ATP2B2: variants seen among roughly 807,000 people sequenced by gnomAD.
The protein encoded by ATP2B2 is ATPase plasma membrane Ca2+ transporting 2.
A neutral mutation model predicts 120.0 loss-of-function variants in ATP2B2; 15 were observed. The ratio of observed to expected loss-of-function variants is 0.12; its 90% CI spans 0.08 to 0.19. ATP2B2 has a LOEUF of 0.19. Ranked by LOEUF, ATP2B2 falls within the 10% of genes least tolerant of loss-of-function variation. The pLI, the probability that ATP2B2 is intolerant of heterozygous loss-of-function variation, is 1.00. For missense variants in ATP2B2, 1,045 were observed against 1,719.8 expected (o/e 0.61, Z 6.94); for synonymous variants, 694 against 700.3 (o/e 0.99, Z 0.14).
At chr3:10,607,604 C>A (rs1319821221) in intron 2 of ATP2B2, among the ~76,000 whole-genome samples, 1 of 152,202 alleles carries the variant, frequency 6.6e-6, no homozygotes, top group Non-Finnish European at 1.5e-5. Context: ...TGCTCAGTGG[C>A]ATTGCCATTC....
At chr3:10,429,887 T>C (rs2063262082) in intron 2 of ATP2B2, among the ~76,000 whole-genome samples, 1 of 152,172 alleles carries the variant, frequency 6.6e-6, no homozygotes, top group Non-Finnish European at 1.5e-5. Flanking sequence ...TGGAGAAAGT[T>C]TGAGTGGTTT....
Position 10,606,871 on chromosome 3 carries a change from C to T in ATP2B2, c.-415+13046G>A, listed in dbSNP as rs192310130. Among the ~76,000 whole-genome samples, 46 of 124,448 alleles carry T rather than the reference C, an allele frequency of 3.7e-4. 1 individual carries two copies. Among genetic ancestry groups the T allele is most frequent in the Admixed American group, 1.2e-3 (12 of 10,386 alleles). 81.6% of individuals were successfully genotyped at this position (124,448 alleles called of 152,430 possible). ...TGCACAGTAAACGTAAGTGTAATGA[C>T]GGAGTCTAAACACACACACACACAC... On this transcript the variant is annotated intron_variant, in intron 2 of 21. Transcript: ENST00000646379.
chr3:10,424,750 G>A lies in ATP2B2; in HGVS notation c.200-13935C>T, dbSNP rs146640068. Among the ~76,000 whole-genome samples, 692 of 152,252 alleles carry A rather than the reference G, an allele frequency of 4.5e-3. 8 individuals carry two copies. Among genetic ancestry groups the A allele is most frequent in the Non-Finnish European group, 4.0e-3 (274 of 68,018 alleles). ...TCCATTTATATGTACTAACATAGAA[G>A]ACTCTCCAAGATAAACTGCTGAGTG... On this transcript the variant is annotated intron_variant, in intron 2 of 22. Transcript: ENST00000360273.
chr3:10,591,714 A>C (rs2068647994), intron 2 of ATP2B2, among the ~76,000 whole-genome samples: 1 of 152,222 alleles, frequency 6.6e-6, no homozygotes, highest in Admixed American at 6.5e-5. Flanking sequence ...GAATTCTAAC[A>C]GCCTCGATGG....
chr3:10,623,242 G>T (rs1175500421), intron 1 of ATP2B2, among the ~76,000 whole-genome samples: 8 of 151,814 alleles, frequency 5.3e-5, no homozygotes, highest in South Asian at 4.2e-4. Context: ...TTTTAAAAAT[G>T]TTTTTTGTGG....
At chr3:10,683,677 AATAT>A (rs1187682990) in intron 1 of ATP2B2, among the ~76,000 whole-genome samples, 2 of 146,304 alleles carry the variant, frequency 1.4e-5, no homozygotes, top group African/African-American at 5.0e-5. Flanking sequence ...TATAGCTAGA[AATAT>A]ATATATACAC....
rs114635100 is a variant in ATP2B2, at chr3:10,608,966, C to A, written c.-415+10951G>T. Among the ~76,000 whole-genome samples the A allele has an allele frequency of 1.0e-3, 156 of 152,290 alleles. 1 individual carries two copies. The highest frequency in any genetic ancestry group is 3.5e-3 in the African/African-American group (146 of 41,564). ...CAGGTCCTTTGGGGAAGTCCTATAA[C>A]CCCCTTGCCTTGACTGCAAGCCAAC... On this transcript the variant is annotated intron_variant, in intron 2 of 21. Coordinates refer to the ATP2B2 transcript ENST00000646379.
At chr3:10,592,144 TG>T in intron 2 of ATP2B2, among the ~76,000 whole-genome samples, 1 of 152,316 alleles carries the variant, frequency 6.6e-6, no homozygotes, top group Non-Finnish European at 1.5e-5. Context: ...CTTCTCTTCC[TG>T]CATCTTCCTA....
chr3:10,464,089 T>C (rs1458813724), intron 1 of ATP2B2, among the ~76,000 whole-genome samples: 1 of 152,084 alleles, frequency 6.6e-6, no homozygotes. Flanking sequence ...AGTGTGACCA[T>C]GGGGGGGCCT....
intron 11 of ATP2B2, 110 bp from the exon 12 acceptor site, chr3:10,372,161 C>A: frequency 6.8e-7 from 1 of 1,476,138 alleles, no homozygotes; most frequent in Non-Finnish European, 9.4e-7. Context: ...GCCACCACAG[C>A]CTGCCCCTTT....
intron 3 of ATP2B2, among the ~76,000 whole-genome samples, chr3:10,530,267 A>G (rs1231382493): frequency 6.6e-6 from 1 of 152,240 alleles, no homozygotes; most frequent in Non-Finnish European, 1.5e-5. Flanking sequence ...TAAGCTGGGC[A>G]TATCCTATTT....
chr3:10,658,905 A>G (rs193236935), intron 1 of ATP2B2, among the ~76,000 whole-genome samples: 2,189 of 152,162 alleles, frequency 0.014, 26 homozygotes, highest in Non-Finnish European at 0.022. Flanking sequence ...CTCGGCAGAA[A>G]CTCTACAAGC....
chr3:10,342,642 A>C lies in ATP2B2; in HGVS notation c.2917+110T>G. 3.0e-6 allele frequency: 4 copies of C among 1,348,676 alleles called. No individual in the cohort carries two copies. Among genetic ancestry groups the C allele is most frequent in the Non-Finnish European group, 4.2e-6 (4 of 961,558 alleles). 83.5% of individuals were successfully genotyped at this position (1,348,676 alleles called of 1,614,324 possible). ...GACCTCCCTGGGCCTCAATTTCCCC[A>C]TTAGCAAAACAGGAGGGGGTTGTGA... On this transcript the variant is annotated intron_variant, in intron 19 of 22. Coordinates refer to ENST00000360273, the MANE Select transcript of ATP2B2 (RefSeq NM_001001331.4). This position sits in a 1 kb window ranked among gnomAD's most constrained non-coding sequence, Gnocchi z 4.4.
At position 10,340,170 on chromosome 3, in the gene ATP2B2, C is replaced by T; in HGVS notation, c.3237+72G>A. The T allele has an allele frequency of 2.0e-6, 3 of 1,470,004 alleles. No homozygotes were observed. The highest frequency in any genetic ancestry group is 2.8e-6 in the Non-Finnish European group (3 of 1,057,560). 91.1% of individuals were successfully genotyped at this position (1,470,004 alleles called of 1,614,324 possible). On this transcript the variant is annotated intron_variant, in intron 21 of 22. Transcript: ENST00000360273. This position sits in a 1 kb window ranked among gnomAD's most constrained non-coding sequence, Gnocchi z 5.0. The stretch of plus-strand genomic sequence containing the variant: ...GTCTGGCAGCCCATTCCTGGGGGTC[C>T]TGGATTCTCCATCCAGTGCTGTCTC...
At chr3:10,497,030 T>G (rs1017067472) in intron 1 of ATP2B2, among the ~76,000 whole-genome samples, 6 of 152,218 alleles carry the variant, frequency 3.9e-5, no homozygotes, top group African/African-American at 1.4e-4. Context: ...CTGGTGGGCT[T>G]GCAGGATGGT....
At chr3:10,700,330 C>T (rs1048345230) in intron 1 of ATP2B2, among the ~76,000 whole-genome samples, 11 of 152,182 alleles carry the variant, frequency 7.2e-5, no homozygotes, top group South Asian at 4.1e-4. Context: ...CTCCCCCACA[C>T]GCTTGTCTCC....
At chr3:10,701,127 G>A (rs2071811083) in intron 1 of ATP2B2, among the ~76,000 whole-genome samples, 1 of 152,182 alleles carries the variant, frequency 6.6e-6, no homozygotes, top group Non-Finnish European at 1.5e-5. Flanking sequence ...AGAGGGGGAG[G>A]AGGAAGAGGA....
At chr3:10,653,470 G>A (rs569077279) in intron 1 of ATP2B2, among the ~76,000 whole-genome samples, 2 of 152,170 alleles carry the variant, frequency 1.3e-5, no homozygotes, top group South Asian at 2.1e-4. Context: ...CTTGGGGGGC[G>A]TCAGAAACCA....
At chr3:10,413,932 A>G (rs1473802915) in intron 2 of ATP2B2, among the ~76,000 whole-genome samples, 3 of 152,224 alleles carry the variant, frequency 2.0e-5, no homozygotes, top group Admixed American at 2.0e-4. Context: ...ATGACCAGCC[A>G]ACACTGGCCT....
Sources: allele counts gnomAD v4.1 joint callset (sites outside exome capture counted in the v4.1 genomes callset), GRCh38; gene constraint gnomAD v4.1.1; non-coding constraint Gnocchi (gnomAD v3.1); transcripts MANE v1.5; gene names NCBI Gene and HGNC (gene_info 2026-07-23, HGNC 2026-07-21).